NCALD: variants seen among roughly 807,000 people sequenced by gnomAD.
NCALD encodes neurocalcin-delta.
NCALD carries 10 observed loss-of-function variants against 18.6 expected under a neutral mutation model. The observed-to-expected ratio is 0.54, with a 90% CI of 0.33 to 0.91. NCALD has a LOEUF of 0.91. NCALD is among the 40% of genes least tolerant of loss of function. The pLI is 0.03. For missense variants in NCALD, 184 were observed against 247.6 expected, an observed-to-expected ratio of 0.74 and a Z score of 1.72; for synonymous variants, 88 against 87.4, an observed-to-expected ratio of 1.01 and a Z score of -0.04.
intron 2 of NCALD, among the ~76,000 whole-genome samples, chr8:101,956,525 C>T (rs183875144): frequency 5.9e-5 from 9 of 151,870 alleles, no homozygotes; most frequent in Non-Finnish European, 1.3e-4. Context: ...TATAGGTACA[C>T]GTAAGTATCT....
intron 1 of NCALD, among the ~76,000 whole-genome samples, chr8:101,751,648 G>A (rs749684186): frequency 9.2e-5 from 14 of 152,096 alleles, no homozygotes; most frequent in South Asian, 4.2e-4. Flanking sequence ...CATGTCACTG[G>A]GGCAGAACTT....
At chr8:102,026,928 C>T (rs941906199) in intron 1 of NCALD, among the ~76,000 whole-genome samples, 1 of 152,224 alleles carries the variant, frequency 6.6e-6, no homozygotes, top group Non-Finnish European at 1.5e-5. Flanking sequence ...ATGAAAGCTG[C>T]CAAGGCCTGG....
At chr8:101,887,926 T>C (rs1816731465) in intron 3 of NCALD, among the ~76,000 whole-genome samples, 1 of 152,190 alleles carries the variant, frequency 6.6e-6, no homozygotes. Context: ...GTATTCTTTG[T>C]GAATTGGCTT....
intron 3 of NCALD, among the ~76,000 whole-genome samples, chr8:101,911,917 C>A (rs533380733): frequency 2.3e-4 from 35 of 152,072 alleles, no homozygotes; most frequent in African/African-American, 8.0e-4. Context: ...TGCTTTATTT[C>A]CAGATGCAAG....
At chr8:102,121,033 G>C (rs2132487617) in intron 1 of NCALD, among the ~76,000 whole-genome samples, 1 of 152,288 alleles carries the variant, frequency 6.6e-6, no homozygotes, top group Middle Eastern at 3.4e-3. Context: ...TTCTTGCTGA[G>C]CCCAGACCCA....
At chr8:101,860,300 T>A (rs1249716822) in intron 4 of NCALD, among the ~76,000 whole-genome samples, 1 of 152,158 alleles carries the variant, frequency 6.6e-6, no homozygotes, top group Non-Finnish European at 1.5e-5. Flanking sequence ...GACAAGGACA[T>A]GAAGGCCATG....
chr8:101,934,543 A>G (rs1818690236), intron 2 of NCALD, among the ~76,000 whole-genome samples: 1 of 152,140 alleles, frequency 6.6e-6, no homozygotes, highest in Admixed American at 6.5e-5. Context: ...GAAAGTCTAG[A>G]GAAAATGGCA....
At chr8:101,891,820 A>C (rs1264942) in intron 3 of NCALD, among the ~76,000 whole-genome samples, 61,223 of 152,036 alleles carry the variant, frequency 0.4, 15,704 homozygotes, top group African/African-American at 0.72. Context: ...TAAAAAACGG[A>C]GCACCACGAG....
chr8:102,007,210 T>C (rs1821745770), intron 2 of NCALD, among the ~76,000 whole-genome samples: 1 of 152,258 alleles, frequency 6.6e-6, no homozygotes, highest in Admixed American at 6.5e-5. Context: ...TTCGTATTAC[T>C]ATACCAATGT....
intron 1 of NCALD, among the ~76,000 whole-genome samples, chr8:101,720,179 T>C (rs2130450963): frequency 6.6e-6 from 1 of 152,154 alleles, no homozygotes; most frequent in South Asian, 2.1e-4. Flanking sequence ...AACACAGACA[T>C]AAAGACAGAA....
rs80133315 is a variant in NCALD, at chr8:101,993,365, C to T, written c.-157+26872G>A. Among the ~76,000 whole-genome samples, 195 of 152,218 alleles carry T rather than the reference C, an allele frequency of 1.3e-3. 2 individuals are homozygous for T. The highest frequency in any genetic ancestry group is 3.4e-3 in the Middle Eastern group (1 of 294). The stretch of plus-strand genomic sequence containing the variant: ...ACCTGTCATTAGTTAAATAAGTAAA[C>T]TACTAGGTTGGTAACAGAAGGGTCA... On this transcript the variant is annotated intron_variant, in intron 2 of 6. Transcript: ENST00000311028.
In NCALD at chr8:101,742,000, T is replaced by A. The variant is rs537479117; in HGVS notation, c.-19-22352A>T. Among the ~76,000 whole-genome samples, 136 of 136,504 alleles carry A rather than the reference T, an allele frequency of 1.0e-3. 1 individual carries two copies. Among genetic ancestry groups the A allele is most frequent in the African/African-American group, 3.2e-3 (117 of 37,140 alleles). The allele number at this position is 136,504 out of a possible 152,430, so 89.6% of individuals were successfully genotyped here. A position where few individuals can be genotyped will look rare whatever the true frequency, so the allele number is the denominator to read the frequency against. ...CGGGTGCGGTGGCTCACACCTGTAATCCCAGCACTTTGGGAGGCTGAGGTG... is the reference window on the plus strand; with the variant it reads ...CGGGTGCGGTGGCTCACACCTGTAAACCCAGCACTTTGGGAGGCTGAGGTG... On this transcript the variant is annotated intron_variant, in intron 1 of 3. Transcript: ENST00000220931.
intron 1 of NCALD, among the ~76,000 whole-genome samples, chr8:101,738,517 C>G (rs1347931742): frequency 6.9e-6 from 1 of 144,076 alleles, no homozygotes; most frequent in Non-Finnish European, 1.5e-5. Context: ...GCACTCCAGC[C>G]TGAGTGACAA....
At chr8:102,080,367 CA>C (rs1222479896) in intron 1 of NCALD, among the ~76,000 whole-genome samples, 2 of 152,192 alleles carry the variant, frequency 1.3e-5, no homozygotes, top group Non-Finnish European at 2.9e-5. Flanking sequence ...TACCCAAAAA[CA>C]ATATACCACG....
At chr8:101,764,029 G>GTCTCTCAAGAGAACCTTA in intron 1 of NCALD, among the ~76,000 whole-genome samples, 1 of 133,706 alleles carries the variant, frequency 7.5e-6, no homozygotes. Context: ...CTATTGGTCT[G>GTCTCTCAAGAGAACCTTA]TCTCTCAAGA....
chr8:101,798,167 G>A (rs559066550), intron 4 of NCALD, among the ~76,000 whole-genome samples: 1 of 152,246 alleles, frequency 6.6e-6, no homozygotes, highest in East Asian at 1.9e-4. Flanking sequence ...TTTCAATAAG[G>A]TAAGGAAAAA....
At chr8:101,892,959 A>G (rs1478624278) in intron 3 of NCALD, among the ~76,000 whole-genome samples, 1 of 149,492 alleles carries the variant, frequency 6.7e-6, no homozygotes, top group Non-Finnish European at 1.5e-5. Context: ...ATCCAGGAGA[A>G]CTTCCCCAAT....
rs58241619 is a variant in NCALD at position 101,751,475 on chromosome 8, G to T, written c.-19-31827C>A. 8.9e-3 allele frequency among the ~76,000 whole-genome samples: 1,353 copies of T among 152,188 alleles called. 60 individuals are homozygous for T. In the East Asian group the frequency reaches 0.11, roughly 12 times the overall value. Reference sequence around the variant, plus strand: ...TGAATATACTTAATGCCACTGAATTGTATGCCTAAAATTAGTTAAAATGGT... The same window carrying T: ...TGAATATACTTAATGCCACTGAATTTTATGCCTAAAATTAGTTAAAATGGT... On this transcript the variant is annotated intron_variant, in intron 1 of 3. Transcript: ENST00000220931.
chr8:101,692,765 A>T, intron 3 of NCALD, 26 bp downstream of exon 3: 1 of 1,587,190 alleles, frequency 6.3e-7, no homozygotes, highest in Admixed American at 1.7e-5. Flanking sequence ...CCATCTGAGC[A>T]AAGCAGTGTA....
Sources: allele counts gnomAD v4.1 joint callset (sites outside exome capture counted in the v4.1 genomes callset), GRCh38; gene constraint gnomAD v4.1.1; transcripts MANE v1.5; gene names NCBI Gene and HGNC (gene_info 2026-07-23, HGNC 2026-07-21).